The following DOCK10 variants were observed in gnomAD, a reference collection of about 807,000 sequenced individuals.
The protein encoded by DOCK10 is dedicator of cytokinesis protein 10.
DOCK10 carries 145 observed loss-of-function variants against 280.1 expected under a neutral mutation model. The ratio of observed to expected loss-of-function variants is 0.52; its 90% CI spans 0.45 to 0.59. DOCK10 has a LOEUF of 0.59. DOCK10 is among the 20% of genes least tolerant of loss of function. The pLI is 0.00. For missense variants in DOCK10, 2,368 were observed against 2,651.7 expected, an observed-to-expected ratio of 0.89 and a Z score of 2.35; for synonymous variants, 915 against 942.2, an observed-to-expected ratio of 0.97 and a Z score of 0.53.
intron 7 of DOCK10, among the ~76,000 whole-genome samples, chr2:224,880,762 G>T (rs1347967725): frequency 5.3e-5 from 8 of 152,152 alleles, no homozygotes; most frequent in Admixed American, 2.0e-4. Context: ...TCAAGCCAAT[G>T]GTGGACTGAA....
intron 1 of DOCK10, among the ~76,000 whole-genome samples, chr2:225,006,609 G>T (rs1689262963): frequency 6.6e-6 from 1 of 152,180 alleles, no homozygotes; most frequent in Non-Finnish European, 1.5e-5. Context: ...AGCCGTTCTA[G>T]TCCTCCTACT....
chr2:224,852,397 C>T lies in DOCK10; in HGVS notation c.2122G>A (p.Glu708Lys), dbSNP rs765681540. Residue 708 changes from glutamate to lysine, a missense_variant, in exon 18 of 56, where the codon GAA becomes AAA. This residue lies in a region of DOCK10 where 1,209 missense variants were observed against 1,250.9 expected (regional missense o/e 0.97). Coordinates refer to ENST00000258390, the MANE Select transcript of DOCK10 (RefSeq NM_014689.3). Reference sequence around the variant, plus strand: ...CTCACCTTCAGGGGCTTGGCACTTTCTTCATCTGAATTTTTGAATTCAATG... The same window carrying T: ...CTCACCTTCAGGGGCTTGGCACTTTTTTCATCTGAATTTTTGAATTCAATG... ...VCIEFKNSDEESAKPLKCIYG... is the reference protein window; with the variant it reads ...VCIEFKNSDEKSAKPLKCIYG... 48 of 1,572,990 alleles carry T rather than the reference C, an allele frequency of 3.1e-5. No homozygotes were observed. Among genetic ancestry groups the T allele is most frequent in the Admixed American group, 1.1e-4 (6 of 54,012 alleles).
intron 3 of DOCK10, among the ~76,000 whole-genome samples, chr2:224,913,759 C>A (rs4673124): frequency 6.6e-6 from 1 of 151,758 alleles, no homozygotes; most frequent in Non-Finnish European, 1.5e-5. Context: ...ACAGAGTCTC[C>A]CTCTGTTGCC....
intron 1 of DOCK10, among the ~76,000 whole-genome samples, chr2:225,035,574 A>ATAT (rs1559986838): frequency 1.3e-5 from 1 of 78,078 alleles, no homozygotes; most frequent in African/African-American, 6.0e-5. Context: ...ATATATATAT[A>ATAT]TATATATATA....
intron 3 of DOCK10, among the ~76,000 whole-genome samples, chr2:224,902,939 A>C (rs943755742): frequency 6.7e-6 from 1 of 149,462 alleles, no homozygotes; most frequent in Non-Finnish European, 1.5e-5. Context: ...TAAAAATACA[A>C]AAAAAAAAAT....
rs368832236 is a variant in DOCK10, at chr2:224,845,580, G to A, written c.2298C>T (p.His766=). ...EKHHILFSFY[H]VTCDINAKAN... ...CTTTTGCATTGATGTCACAGGTGAC[G>A]TGATAAAAAGAAAACAAAATATGGT... is the stretch of plus-strand genomic sequence containing the variant. The change falls in exon 20 of 56, where the codon CAC becomes CAT. Residue 766 remains histidine (H), a synonymous_variant. Coordinates refer to ENST00000258390, the MANE Select transcript of DOCK10 (RefSeq NM_014689.3). 5.3e-5 allele frequency: 85 copies of A among 1,612,908 alleles called. No individual in the cohort carries two copies. The highest frequency in any genetic ancestry group is 8.0e-5 in the African/African-American group (6 of 74,866).
chr2:225,020,199 AT>A, intron 1 of DOCK10, among the ~76,000 whole-genome samples: 1 of 152,010 alleles, frequency 6.6e-6, no homozygotes, highest in Non-Finnish European at 1.5e-5. Flanking sequence ...AAGTATATAT[AT>A]ATATAAATGT....
intron 1 of DOCK10, among the ~76,000 whole-genome samples, chr2:224,936,023 C>A (rs1012623924): frequency 6.6e-6 from 1 of 152,036 alleles, no homozygotes; most frequent in Non-Finnish European, 1.5e-5. Context: ...GAGATTATAC[C>A]CAATGAGTGA....
intron 1 of DOCK10, among the ~76,000 whole-genome samples, chr2:224,932,674 T>G (rs1263548759): frequency 1.3e-5 from 2 of 152,148 alleles, no homozygotes; most frequent in African/African-American, 4.8e-5. Flanking sequence ...TTATTTTTCT[T>G]TTTCACGTAA....
At chr2:224,883,284 A>G (rs2125736658) in intron 7 of DOCK10, among the ~76,000 whole-genome samples, 1 of 152,358 alleles carries the variant, frequency 6.6e-6, no homozygotes, top group East Asian at 1.9e-4. Flanking sequence ...TCTGACTTCA[A>G]TAAAGAATTG....
At chr2:225,006,035 G>A (rs1389940083) in intron 1 of DOCK10, among the ~76,000 whole-genome samples, 1 of 152,192 alleles carries the variant, frequency 6.6e-6, no homozygotes. Flanking sequence ...AAAGAGTGAA[G>A]ATGGGTATTA....
At chr2:224,997,062 A>G (rs921678279) in intron 1 of DOCK10, among the ~76,000 whole-genome samples, 3 of 152,174 alleles carry the variant, frequency 2.0e-5, no homozygotes, top group Non-Finnish European at 4.4e-5. Flanking sequence ...TTTGCCCTAC[A>G]TTTGGCATCT....
At chr2:224,806,994 CTG>C (rs1693434411) in intron 33 of DOCK10, among the ~76,000 whole-genome samples, 1 of 152,058 alleles carries the variant, frequency 6.6e-6, no homozygotes, top group South Asian at 2.1e-4. Flanking sequence ...CATAAAGACA[CTG>C]TGATTTAGGT....
At position 224,827,230 on chromosome 2, in the gene DOCK10, T is replaced by C. The variant is rs556741381; in HGVS notation, c.3036+3311A>G. On this transcript the variant is annotated intron_variant, in intron 27 of 55. Coordinates refer to ENST00000258390, the MANE Select transcript of DOCK10 (RefSeq NM_014689.3). ...GTGAGCCGAGATCGTGCCACTGCACTCCAGTGTGGGCGACAGAGCGAAACT... is the reference window on the plus strand; with the variant it reads ...GTGAGCCGAGATCGTGCCACTGCACCCCAGTGTGGGCGACAGAGCGAAACT... Among the ~76,000 whole-genome samples, 6 of 146,298 alleles carry C rather than the reference T, an allele frequency of 4.1e-5. No individual in the cohort carries two copies. The South Asian group carries it at 1.3e-3, about 32-fold the overall frequency.
At chr2:224,975,117 A>G (rs1705357112) in intron 1 of DOCK10, among the ~76,000 whole-genome samples, 2 of 152,016 alleles carry the variant, frequency 1.3e-5, no homozygotes, top group South Asian at 4.1e-4. Flanking sequence ...AGAATTAAAA[A>G]GATGCAAGAT....
chr2:224,863,266 T>A (rs1333706215), intron 13 of DOCK10, among the ~76,000 whole-genome samples: 1 of 152,162 alleles, frequency 6.6e-6, no homozygotes, highest in Non-Finnish European at 1.5e-5. Flanking sequence ...ACTTTATTTA[T>A]CAAAACAGAA....
intron 1 of DOCK10, among the ~76,000 whole-genome samples, chr2:224,966,427 A>T (rs181834019): frequency 6.6e-6 from 1 of 151,834 alleles, no homozygotes; most frequent in Non-Finnish European, 1.5e-5. Context: ...ACCATCACCA[A>T]ATGCTTCATG....
chr2:225,026,421 GCAAAA>G, intron 1 of DOCK10, among the ~76,000 whole-genome samples: 1 of 152,128 alleles, frequency 6.6e-6, no homozygotes, highest in South Asian at 2.1e-4. Context: ...CAAGGACATT[GCAAAA>G]CACTGTCTGG....
chr2:224,819,400 C>A, intron 29 of DOCK10, 46 bp downstream of exon 29: 2 of 1,286,822 alleles, frequency 1.6e-6, no homozygotes, highest in Non-Finnish European at 2.2e-6. Flanking sequence ...TATTTATTTA[C>A]AATGCCATAG....
Sources: allele counts gnomAD v4.1 joint callset (sites outside exome capture counted in the v4.1 genomes callset), GRCh38; gene constraint gnomAD v4.1.1; regional missense constraint gnomAD v4.1.1; transcripts MANE v1.5; gene names NCBI Gene and HGNC (gene_info 2026-07-23, HGNC 2026-07-21).